RB1CC1: variants seen among roughly 807,000 people sequenced by gnomAD.
RB1CC1 encodes RB1 inducible coiled-coil 1.
RB1CC1 carries 46 observed loss-of-function variants against 177.5 expected under a neutral mutation model. That is an observed-to-expected ratio of 0.26 (90% CI 0.20 to 0.33). RB1CC1 has a LOEUF of 0.33. RB1CC1 is among the 10% of genes least tolerant of loss of function. The pLI is 1.00. For synonymous variants in RB1CC1, 666 were observed against 613.6 expected, an observed-to-expected ratio of 1.09 and a Z score of -1.26; for missense variants, 1,703 against 1,816.3, an observed-to-expected ratio of 0.94 and a Z score of 1.13.
intron 1 of RB1CC1, among the ~76,000 whole-genome samples, chr8:52,688,557 T>G (rs1734207696): frequency 6.6e-6 from 1 of 152,228 alleles, no homozygotes; most frequent in Admixed American, 6.5e-5. Flanking sequence ...TTCTGTTGTT[T>G]AAGATGTTTA....
chr8:52,694,649 A>T (rs1855210923), intron 1 of RB1CC1, among the ~76,000 whole-genome samples: 1 of 152,232 alleles, frequency 6.6e-6, no homozygotes. Context: ...CACATACTTT[A>T]GTTAATACCA....
chr8:52,669,050 C>A (rs1485253365), intron 7 of RB1CC1, among the ~76,000 whole-genome samples: 1 of 152,126 alleles, frequency 6.6e-6, no homozygotes, highest in Non-Finnish European at 1.5e-5. Context: ...GAGATAACTC[C>A]CAAGTCTACT....
chr8:52,653,796 C>A (rs1361830475), intron 15 of RB1CC1, among the ~76,000 whole-genome samples: 1 of 152,136 alleles, frequency 6.6e-6, no homozygotes, highest in Non-Finnish European at 1.5e-5. Flanking sequence ...CAAAATGATC[C>A]AATGAGCATT....
rs375576034 is a variant in RB1CC1, at chr8:52,705,066, CTA to C, written c.-167+9007_-167+9008del. Among the ~76,000 whole-genome samples the C allele has an allele frequency of 6.2e-3, 946 of 152,288 alleles. 9 individuals are homozygous for C. The highest frequency in any genetic ancestry group is 0.022 in the African/African-American group (911 of 41,568). On this transcript the variant is annotated intron_variant, in intron 1 of 23. Coordinates refer to ENST00000025008, the MANE Select transcript of RB1CC1 (RefSeq NM_014781.5). ...TTTAGTTTCTACCCACTAAGAATTA[CTA>C]TAAACTGCCTACCATATATACTGAG... is the stretch of plus-strand genomic sequence containing the variant.
intron 1 of RB1CC1, among the ~76,000 whole-genome samples, chr8:52,692,649 T>C (rs139436541): frequency 0.011 from 1,643 of 152,314 alleles, 17 homozygotes; most frequent in Non-Finnish European, 0.016. Flanking sequence ...ATGAACATAC[T>C]ACATTAAAAT....
intron 5 of RB1CC1, among the ~76,000 whole-genome samples, chr8:52,680,329 C>T (rs939999484): frequency 1.3e-5 from 2 of 152,134 alleles, no homozygotes; most frequent in Non-Finnish European, 2.9e-5. Flanking sequence ...GAAGGCTACA[C>T]TGGAAGAAGA....
intron 19 of RB1CC1, 22 bp downstream of exon 19, chr8:52,635,993 T>G: frequency 6.2e-7 from 1 of 1,605,000 alleles, no homozygotes; most frequent in Non-Finnish European, 8.5e-7. Context: ...AACATGGTAC[T>G]TCAAGAAGAT....
In RB1CC1 at chr8:52,657,002, A is replaced by T; in HGVS notation, c.2827T>A (p.Ser943Thr). The T allele has an allele frequency of 6.2e-7, 1 of 1,613,720 alleles. No individual in the cohort carries two copies. The highest frequency in any genetic ancestry group is 8.5e-7 in the Non-Finnish European group (1 of 1,179,940). Residue 943 changes from serine to threonine, a missense_variant, in exon 15 of 24, where the codon TCT becomes ACT. Ser to Thr is a moderately conservative substitution (Grantham distance 58). Around this residue, in one of 6 missense-constraint regions of RB1CC1, gnomAD observed 1,169 missense variants for 1,184.7 expected, o/e 0.99. Transcript: ENST00000025008. ...KLLEMENIMH[S>T]QNCEIKELKQ... ...AGTTCTTTAATTTCACAATTTTGAG[A>T]GTGCATTATATTTTCCATCTCTAAC...
At position 52,656,112 on chromosome 8, in the gene RB1CC1, A is replaced by C; in HGVS notation, c.3717T>G (p.Asp1239Glu). The change falls in exon 15 of 24, where the codon GAT becomes GAG. Residue 1239 changes from aspartate to glutamate, a missense_variant. Asp to Glu is a conservative substitution (Grantham distance 45). Coordinates refer to ENST00000025008, the MANE Select transcript of RB1CC1 (RefSeq NM_014781.5). Reference sequence around the variant, plus strand: ...CTTTTAGGGCAGTCTGAATAGCTTCATCTTTTTCACAATTAAGCTTCTGAA... The same window carrying C: ...CTTTTAGGGCAGTCTGAATAGCTTCCTCTTTTTCACAATTAAGCTTCTGAA... ...QLIQKLNCEK[D>E]EAIQTALKEF... The C allele has an allele frequency of 6.2e-7, 1 of 1,613,718 alleles. No individual in the cohort carries two copies. Among genetic ancestry groups the C allele is most frequent in the Non-Finnish European group, 8.5e-7 (1 of 1,179,848 alleles).
rs1851198789 is a variant in RB1CC1, at chr8:52,657,692, T to C, written c.2137A>G (p.Thr713Ala). ...AAGTCTAAAGAAACTTGGTGAATAG[T>C]CTGTTCTATGTTTGGATGGGGAATA... ...ETIPHPNIEQTIHQVSLDLDS... is the reference protein window; with the variant it reads ...ETIPHPNIEQAIHQVSLDLDS... The change falls in exon 15 of 24, where the codon ACT (threonine) becomes GCT (alanine). Residue 713 changes from threonine (T) to alanine (A), a missense_variant. Around this residue, in one of 6 missense-constraint regions of RB1CC1, gnomAD observed 1,169 missense variants for 1,184.7 expected, o/e 0.99. Coordinates refer to ENST00000025008, the MANE Select transcript of RB1CC1 (RefSeq NM_014781.5). 6 of 1,614,038 alleles carry C rather than the reference T, an allele frequency of 3.7e-6. No homozygotes were observed. Among genetic ancestry groups the C allele is most frequent in the South Asian group, 1.1e-5 (1 of 91,084 alleles).
At chr8:52,646,329 A>C (rs767731657) in intron 15 of RB1CC1, among the ~76,000 whole-genome samples, 11 of 152,148 alleles carry the variant, frequency 7.2e-5, no homozygotes, top group Non-Finnish European at 1.5e-4. Context: ...ACAAAAAAAA[A>C]CAACAGCCAA....
intron 12 of RB1CC1, 41 bp from the exon 13 acceptor site, chr8:52,659,017 A>G (rs552625039): frequency 2.1e-5 from 25 of 1,164,812 alleles, no homozygotes; most frequent in Non-Finnish European, 3.6e-6. Context: ...TTTTTTTTCA[A>G]CCAAAAACAG....
intron 1 of RB1CC1, among the ~76,000 whole-genome samples, chr8:52,697,606 A>C (rs904663397): frequency 6.6e-6 from 1 of 152,206 alleles, no homozygotes; most frequent in Non-Finnish European, 1.5e-5. Context: ...CGAAGGAAGG[A>C]AGGCTGGAAG....
At chr8:52,634,794 G>A in intron 20 of RB1CC1, 127 bp downstream of exon 20, 1 of 773,552 alleles carries the variant, frequency 1.3e-6, no homozygotes, top group Non-Finnish European at 2.0e-6. Context: ...GACCAACACG[G>A]ACCAACAAAC....
At chr8:52,646,559 T>C (rs1419725513) in intron 15 of RB1CC1, among the ~76,000 whole-genome samples, 2 of 152,222 alleles carry the variant, frequency 1.3e-5, no homozygotes, top group African/African-American at 4.8e-5. Context: ...TGAAATGCTT[T>C]AATTTCCATA....
intron 19 of RB1CC1, 127 bp from the exon 20 acceptor site, chr8:52,635,095 T>G (rs1413345075): frequency 1.3e-6 from 1 of 749,502 alleles, no homozygotes; most frequent in African/African-American, 1.8e-5. Context: ...ATGGGGATAT[T>G]ATTTTCTATG....
chr8:52,695,324 AGTACC>A (rs1234903024), intron 1 of RB1CC1, among the ~76,000 whole-genome samples: 1 of 152,272 alleles, frequency 6.6e-6, no homozygotes, highest in African/African-American at 2.4e-5. Flanking sequence ...TAGAGCCAGA[AGTACC>A]CACAGCACAA....
At chr8:52,707,432 CTTTTTTTTTTTTT>C (rs386412758) in intron 1 of RB1CC1, among the ~76,000 whole-genome samples, 11 of 128,850 alleles carry the variant, frequency 8.5e-5, no homozygotes, top group Non-Finnish European at 1.4e-4. Flanking sequence ...TTCTTTCTTT[CTTTTTTTTTTTTT>C]TTTTTTACAA....
At chr8:52,623,899 AACC>A in intron 23 of RB1CC1, 40 bp from the exon 24 acceptor site, 2 of 1,299,142 alleles carry the variant, frequency 1.5e-6, no homozygotes, top group Non-Finnish European at 2.2e-6. Flanking sequence ...AGAGTGATTA[AACC>A]ACATCTCTCT....
Sources: gnomAD v4.1 joint callset for allele counts (sites outside exome capture counted in the v4.1 genomes callset) on GRCh38, gnomAD v4.1.1 for gene constraint, gnomAD v4.1.1 regional missense constraint, MANE v1.5 for transcripts, NCBI Gene and HGNC (gene_info 2026-07-23, HGNC 2026-07-21) for gene names.